The following RBPJ variants were observed in gnomAD, a reference collection of about 807,000 sequenced individuals.
RBPJ encodes the protein recombining binding protein suppressor of hairless.
In RBPJ, 9 loss-of-function variants were observed where a neutral mutation model predicts 67.8. That is an observed-to-expected ratio of 0.13 (90% CI 0.08 to 0.23). The LOEUF (loss-of-function observed/expected upper bound fraction) is 0.23, where lower values mean the gene tolerates loss of function less well. RBPJ is among the 10% of genes least tolerant of loss of function. RBPJ has a pLI of 1.00. For missense variants in RBPJ, 305 were observed against 595.6 expected (o/e 0.51, Z 5.08); for synonymous variants, 198 against 203.3 (o/e 0.97, Z 0.22).
Position 26,325,166 on chromosome 4 carries a change from G to A in RBPJ, c.20+4118G>A, listed in dbSNP as rs144609716. 4.6e-3 allele frequency among the ~76,000 whole-genome samples: 700 copies of A among 152,164 alleles called. 4 individuals carry two copies. The highest frequency in any genetic ancestry group is 5.7e-3 in the Non-Finnish European group (385 of 67,992). On this transcript the variant is annotated intron_variant, in intron 1 of 10. Coordinates refer to ENST00000355476, the MANE Select transcript of RBPJ (RefSeq NM_015874.6). ...TCACCAGCCTTTACATTTAATTACT[G>A]AGAACTGATCATTTTTCCTTCTAAA...
intron 1 of RBPJ, among the ~76,000 whole-genome samples, chr4:26,180,927 T>C (rs1716961595): frequency 6.6e-6 from 1 of 152,044 alleles, no homozygotes; most frequent in Non-Finnish European, 1.5e-5. Flanking sequence ...TAGAGGCGAG[T>C]ATTTCCCATG....
chr4:26,226,819 C>G (rs892575917), intron 1 of RBPJ, among the ~76,000 whole-genome samples: 5 of 152,106 alleles, frequency 3.3e-5, no homozygotes, highest in Admixed American at 6.6e-5. Context: ...TCAATTTTCT[C>G]AGAATTAGAA....
intron 1 of RBPJ, among the ~76,000 whole-genome samples, chr4:26,304,958 A>G (rs906980324): frequency 4.6e-5 from 7 of 152,096 alleles, no homozygotes; most frequent in Non-Finnish European, 1.0e-4. Context: ...ACTGTCTTCT[A>G]TGAGTTTTAT....
chr4:26,429,930 G>C lies in RBPJ; in HGVS notation c.921G>C (p.Glu307Asp). ...ATPCPKEPNK[E>D]MINDGASWTI... ...CATGTCCAAAAGAACCAAATAAAGA[G>C]ATGATAAATGATGGCGCTTCCTGGA... is the stretch of plus-strand genomic sequence containing the variant. Residue 307 changes from glutamate to aspartate, a missense_variant, in exon 9 of 11, where the codon GAG (glutamate) becomes GAC (aspartate). Glu to Asp is a conservative substitution (Grantham distance 45, BLOSUM62 2). Transcript: ENST00000355476. 5 of 1,613,400 alleles carry C rather than the reference G, an allele frequency of 3.1e-6. No individual in the cohort carries two copies. Among genetic ancestry groups the C allele is most frequent in the Non-Finnish European group, 4.2e-6 (5 of 1,179,932 alleles).
upstream of RBPJ, among the ~76,000 whole-genome samples, chr4:26,160,845 T>G (rs1335778481): frequency 6.6e-6 from 1 of 152,204 alleles, no homozygotes; most frequent in Non-Finnish European, 1.5e-5. Context: ...AAAGGGATAT[T>G]ATCAGACAGA....
chr4:26,114,796 C>T, the RBPJ span, among the ~76,000 whole-genome samples: 7 of 151,996 alleles, frequency 4.6e-5, no homozygotes, highest in African/African-American at 1.7e-4. Context: ...GATGTGCTAG[C>T]GTCACCTCAT....
chr4:26,282,924 CTTTTTTTTTTTT>C (rs67501530), intron 1 of RBPJ, among the ~76,000 whole-genome samples: 1 of 61,656 alleles, frequency 1.6e-5, no homozygotes, highest in African/African-American at 7.2e-5. Flanking sequence ...AGTGTAGATT[CTTTTTTTTTTTT>C]TTTTTTTTTT....
At chr4:26,286,636 A>G (rs1389584716) in intron 1 of RBPJ, among the ~76,000 whole-genome samples, 1 of 152,106 alleles carries the variant, frequency 6.6e-6, no homozygotes, top group Non-Finnish European at 1.5e-5. Context: ...GATTGGGGGA[A>G]CTTCAGGACC....
At position 26,255,602 on chromosome 4, in the gene RBPJ, A is replaced by G. The variant is rs1161891192; in HGVS notation, c.-167+91988A>G. ...CGGATCACGAGGTCGGGAGATCGAGACCATCCTGGCTAACACGGTGAAACC... is the reference window on the plus strand; with the variant it reads ...CGGATCACGAGGTCGGGAGATCGAGGCCATCCTGGCTAACACGGTGAAACC... On this transcript the variant is annotated intron_variant, in intron 1 of 4. Coordinates refer to the RBPJ transcript ENST00000512351. 3.3e-4 allele frequency among the ~76,000 whole-genome samples: 50 copies of G among 149,710 alleles called. 2 individuals carry two copies. The highest frequency in any genetic ancestry group is 1.1e-3 in the African/African-American group (44 of 40,642).
chr4:26,238,147 G>A (rs115642802), intron 1 of RBPJ, among the ~76,000 whole-genome samples: 3 of 152,024 alleles, frequency 2.0e-5, no homozygotes, highest in African/African-American at 7.2e-5. Flanking sequence ...CTACAGCATC[G>A]ACCTCCCAGC....
the RBPJ span, among the ~76,000 whole-genome samples, chr4:26,144,759 A>G: frequency 6.6e-6 from 1 of 152,244 alleles, no homozygotes; most frequent in Non-Finnish European, 1.5e-5. Context: ...CCTTTGATCT[A>G]GTCCCACATG....
the RBPJ span, among the ~76,000 whole-genome samples, chr4:26,157,977 C>T: frequency 5.5e-3 from 845 of 152,282 alleles, 5 homozygotes; most frequent in Middle Eastern, 0.017. Flanking sequence ...GCAAGTGAAA[C>T]CAACAGATGA....
intron 1 of RBPJ, among the ~76,000 whole-genome samples, chr4:26,306,511 G>A (rs764322693): frequency 4.6e-5 from 7 of 151,494 alleles, no homozygotes; most frequent in South Asian, 2.1e-4. Context: ...GTGCAATGGC[G>A]CGATCTCCGC....
At chr4:26,313,768 A>G (rs142312857) in intron 1 of RBPJ, among the ~76,000 whole-genome samples, 57 of 152,148 alleles carry the variant, frequency 3.7e-4, no homozygotes, top group African/African-American at 1.2e-3. Flanking sequence ...CTTGGGAGGC[A>G]GAGGTTGTGG....
At chr4:26,179,214 G>T (rs1246425887) in intron 1 of RBPJ, among the ~76,000 whole-genome samples, 2 of 151,402 alleles carry the variant, frequency 1.3e-5, no homozygotes, top group Non-Finnish European at 2.9e-5. Flanking sequence ...GTTTTGAAAG[G>T]TTTCATGGTG....
chr4:26,307,724 G>GA (rs1014186756), intron 1 of RBPJ, among the ~76,000 whole-genome samples: 1 of 151,650 alleles, frequency 6.6e-6, no homozygotes, highest in African/African-American at 2.4e-5. Flanking sequence ...AAAGCTGGAA[G>GA]AAAAAAAACA....
At chr4:26,110,617 C>T in the RBPJ span, among the ~76,000 whole-genome samples, 67 of 152,196 alleles carry the variant, frequency 4.4e-4, 1 homozygote, top group Admixed American at 3.5e-3. The surrounding 1 kb of genome is among the most constrained non-coding windows in gnomAD (Gnocchi z 4.5). Flanking sequence ...TAACCGGAAA[C>T]ACAACATTTT....
the RBPJ span, among the ~76,000 whole-genome samples, chr4:26,141,448 C>T: frequency 6.6e-6 from 1 of 152,224 alleles, no homozygotes; most frequent in East Asian, 1.9e-4. Flanking sequence ...AGGACCCAAG[C>T]CAGGCCCGGA....
At chr4:26,397,244 G>C (rs1272635408) in intron 2 of RBPJ, among the ~76,000 whole-genome samples, 2 of 152,204 alleles carry the variant, frequency 1.3e-5, no homozygotes, top group African/African-American at 4.8e-5. Flanking sequence ...GTCTGAGGCA[G>C]TGTAAAAGGC....
Sources: allele counts gnomAD v4.1 joint callset (sites outside exome capture counted in the v4.1 genomes callset), GRCh38; gene constraint gnomAD v4.1.1; non-coding constraint Gnocchi (gnomAD v3.1); transcripts MANE v1.5; gene names NCBI Gene and HGNC (gene_info 2026-07-23, HGNC 2026-07-21).